The following ADAM22 variants were observed in gnomAD, a reference collection of about 807,000 sequenced individuals.
The protein encoded by ADAM22 is disintegrin and metalloproteinase domain-containing protein 22.
Under a neutral mutation model 144.6 loss-of-function variants are expected in ADAM22, and 65 were observed. The ratio of observed to expected loss-of-function variants is 0.45; its 90% confidence interval spans 0.37 to 0.55. The LOEUF is 0.55. Among genes scored for constraint, ADAM22 ranks in the 20% least tolerant of loss-of-function variants. The pLI, the probability that ADAM22 is intolerant of heterozygous loss-of-function variation, is 0.00. For synonymous variants in ADAM22, 391 were observed against 412.6 expected (o/e 0.95, Z 0.63); for missense variants, 974 against 1,184.9 (o/e 0.82, Z 2.61).
chr7:87,949,286 A>T (rs1844451098), intron 2 of ADAM22, among the ~76,000 whole-genome samples: 1 of 152,182 alleles, frequency 6.6e-6, no homozygotes, highest in African/African-American at 2.4e-5. Flanking sequence ...CCTATTAGGA[A>T]AGGCAGGGCC....
At chr7:88,171,687 C>A in intron 26 of ADAM22, 126 bp downstream of exon 26, 1 of 712,692 alleles carries the variant, frequency 1.4e-6, no homozygotes, top group South Asian at 2.9e-5. Context: ...ATACACTAAT[C>A]GATTTTTCAT....
chr7:88,177,284 A>G (rs1276436583), intron 26 of ADAM22, among the ~76,000 whole-genome samples: 1 of 152,168 alleles, frequency 6.6e-6, no homozygotes, highest in Non-Finnish European at 1.5e-5. Flanking sequence ...TTTTTTTTCA[A>G]GCACTAATGG....
chr7:88,148,463 A>G (rs1260963434), intron 17 of ADAM22, among the ~76,000 whole-genome samples: 2 of 152,176 alleles, frequency 1.3e-5, no homozygotes, highest in Admixed American at 1.3e-4. Context: ...TAATAGAAAC[A>G]CTAGAAAATA....
chr7:88,075,183 C>CT (rs1305164114), intron 3 of ADAM22, among the ~76,000 whole-genome samples: 13 of 151,880 alleles, frequency 8.6e-5, no homozygotes, highest in Non-Finnish European at 1.5e-4. Context: ...CTTTCTTTGC[C>CT]TTTTTTTATT....
intron 3 of ADAM22, among the ~76,000 whole-genome samples, chr7:88,011,745 C>G (rs1299684788): frequency 1.3e-5 from 2 of 151,284 alleles, no homozygotes; most frequent in African/African-American, 2.4e-5. Flanking sequence ...CCCCCCACCC[C>G]CCAACCTTTC....
At chr7:88,006,060 T>C (rs1793768539) in intron 3 of ADAM22, among the ~76,000 whole-genome samples, 1 of 152,204 alleles carries the variant, frequency 6.6e-6, no homozygotes, top group Non-Finnish European at 1.5e-5. Flanking sequence ...ACTGTCTAGC[T>C]TTTGAATGTG....
At chr7:88,091,705 A>G (rs1017918279) in intron 4 of ADAM22, among the ~76,000 whole-genome samples, 20 of 152,198 alleles carry the variant, frequency 1.3e-4, no homozygotes, top group African/African-American at 3.9e-4. Flanking sequence ...GTCTGGCACC[A>G]GAATGTGTGC....
At chr7:88,084,790 A>G (rs1242001220) in intron 4 of ADAM22, among the ~76,000 whole-genome samples, 1 of 152,252 alleles carries the variant, frequency 6.6e-6, no homozygotes, top group Non-Finnish European at 1.5e-5. Context: ...TAAAGCTACC[A>G]TAACAAAGTA....
chr7:88,093,659 A>T (rs1366088939), intron 4 of ADAM22, among the ~76,000 whole-genome samples: 1 of 151,924 alleles, frequency 6.6e-6, no homozygotes, highest in African/African-American at 2.4e-5. Context: ...TGATTTTGCC[A>T]CCTGAGTCCT....
At position 88,113,703 on chromosome 7, in the gene ADAM22, AATATATATATATATAT is replaced by A. The variant is rs58099116; in HGVS notation, c.474-859_474-844del. On this transcript the variant is annotated intron_variant, in intron 5 of 31. Transcript: ENST00000413139. ...TATATATATTATAAATAAATAAATA[AATATATATATATATAT>A]ATATATATATATATATATATAGTAA... Among the ~76,000 whole-genome samples, 8 of 48,110 alleles carry A rather than the reference AATATATATATATATAT, an allele frequency of 1.7e-4. No homozygotes were observed. The East Asian group carries it at 6.9e-3, about 42-fold the overall frequency. 31.6% of individuals were successfully genotyped at this position (48,110 alleles called of 152,430 possible).
Position 87,968,326 on chromosome 7 carries a change from A to C in ADAM22, c.247-10010A>C, listed in dbSNP as rs531831372. Among the ~76,000 whole-genome samples the C allele has an allele frequency of 8.5e-5, 13 of 152,308 alleles. No homozygotes were observed. In the South Asian group the frequency reaches 2.5e-3, roughly 29 times the overall value. On this transcript the variant is annotated intron_variant, in intron 2 of 31. Transcript: ENST00000413139. ...GATGCCTGGGATCCACTGCAGACCA[A>C]GTGTATCAGAATCGCTGAATTTGAG...
At chr7:88,194,125 A>G (rs1159048647) in intron 31 of ADAM22, among the ~76,000 whole-genome samples, 1 of 152,220 alleles carries the variant, frequency 6.6e-6, no homozygotes, top group African/African-American at 2.4e-5. Flanking sequence ...GTCATGTGTG[A>G]TAATGAAATC....
At chr7:88,047,739 A>G (rs7801432) in intron 3 of ADAM22, among the ~76,000 whole-genome samples, 16,678 of 152,154 alleles carry the variant, frequency 0.11, 1,077 homozygotes, top group East Asian at 0.24. Context: ...GATACATTCA[A>G]ATTTCCGTTG....
intron 3 of ADAM22, among the ~76,000 whole-genome samples, chr7:88,062,652 CTGTT>C (rs1239515719): frequency 3.3e-5 from 5 of 152,314 alleles, no homozygotes; most frequent in African/African-American, 7.2e-5. Context: ...ACTTGGCTAA[CTGTT>C]TGGCATTAAG....
In ADAM22 at chr7:88,186,664, G is replaced by C; in HGVS notation, c.2713G>C (p.Glu905Gln). The C allele has an allele frequency of 6.2e-7, 1 of 1,612,406 alleles. No individual in the cohort carries two copies. The highest frequency in any genetic ancestry group is 8.5e-7 in the Non-Finnish European group (1 of 1,178,532). The change falls in exon 30 of 32, where the codon GAA becomes CAA. Residue 905 changes from glutamate (E) to glutamine (Q), a missense_variant. Transcript: ENST00000413139. ...KRDYNVAKWVEDVNKNTEGPY... is the reference protein window; with the variant it reads ...KRDYNVAKWVQDVNKNTEGPY... ...AGACTATAATGTAGCTAAGTGGGTA[G>C]AAGATGTGAATAAAAACACTGAAGG...
At chr7:88,061,388 G>A (rs1809817296) in intron 3 of ADAM22, among the ~76,000 whole-genome samples, 1 of 152,160 alleles carries the variant, frequency 6.6e-6, no homozygotes, top group South Asian at 2.1e-4. Context: ...AGATCCATCA[G>A]AGGAATCGCT....
Position 87,978,318 on chromosome 7 carries a change from T to A in ADAM22, c.247-18T>A. On this transcript the variant is annotated intron_variant, in intron 2 of 31. Transcript: ENST00000413139. Reference sequence around the variant, plus strand: ...ATGGCTGAGTAATAAATAACCTTTTTTCTTTTTGATATTGTAGTTGACTCA... The same window carrying A: ...ATGGCTGAGTAATAAATAACCTTTTATCTTTTTGATATTGTAGTTGACTCA... The A allele has an allele frequency of 6.2e-7, 1 of 1,605,938 alleles. No homozygotes were observed. The highest frequency in any genetic ancestry group is 2.2e-5 in the East Asian group (1 of 44,786).
intron 3 of ADAM22, among the ~76,000 whole-genome samples, chr7:88,063,437 C>A (rs1481359073): frequency 6.6e-6 from 1 of 152,016 alleles, no homozygotes; most frequent in Non-Finnish European, 1.5e-5. Context: ...GAGGATCATT[C>A]ACCATGGTAG....
At chr7:88,011,539 C>CAA (rs774557316) in intron 3 of ADAM22, among the ~76,000 whole-genome samples, 1 of 90,464 alleles carries the variant, frequency 1.1e-5, no homozygotes, top group Non-Finnish European at 2.3e-5. Context: ...GACTCAATCT[C>CAA]AAAAAAAAAA....
Sources: gnomAD v4.1 joint callset for allele counts (sites outside exome capture counted in the v4.1 genomes callset) on GRCh38, gnomAD v4.1.1 for gene constraint, MANE v1.5 for transcripts, NCBI Gene and HGNC (gene_info 2026-07-23, HGNC 2026-07-21) for gene names.